The following PLCH1 variants were observed in gnomAD, a reference collection of about 807,000 sequenced individuals.
PLCH1 encodes 1-phosphatidylinositol 4,5-bisphosphate phosphodiesterase eta-1.
PLCH1 carries 60 observed loss-of-function variants against 126.7 expected under a neutral mutation model. That is an observed-to-expected ratio of 0.47 (90% CI 0.38 to 0.59). PLCH1 has a LOEUF of 0.59. Ranked by LOEUF, PLCH1 falls within the 20% of genes least tolerant of loss-of-function variation. The pLI, the probability that PLCH1 is intolerant of heterozygous loss-of-function variation, is 0.00. For synonymous variants in PLCH1, 719 were observed against 734.9 expected (o/e 0.98, Z 0.35); for missense variants, 1,723 against 2,040.0 (o/e 0.84, Z 2.99).
chr3:155,685,470 A>G (rs999186736), intron 2 of PLCH1, among the ~76,000 whole-genome samples: 3 of 152,230 alleles, frequency 2.0e-5, no homozygotes, highest in African/African-American at 7.2e-5. Context: ...CCTTAGGAGA[A>G]AAAGAGAAAG....
intron 2 of PLCH1, among the ~76,000 whole-genome samples, chr3:155,613,265 A>C (rs768851551): frequency 6.6e-6 from 1 of 152,230 alleles, no homozygotes; most frequent in African/African-American, 2.4e-5. Flanking sequence ...ATTCCAAAAG[A>C]TAGAGAAAGA....
intron 1 of PLCH1, among the ~76,000 whole-genome samples, chr3:155,717,886 A>G (rs538670399): frequency 6.6e-6 from 1 of 152,276 alleles, no homozygotes; most frequent in African/African-American, 2.4e-5. Flanking sequence ...TCCTCTCCCA[A>G]AAAAAGTGTT....
At chr3:155,609,110 A>G (rs1734737759) in intron 2 of PLCH1, among the ~76,000 whole-genome samples, 1 of 152,182 alleles carries the variant, frequency 6.6e-6, no homozygotes, top group Non-Finnish European at 1.5e-5. Flanking sequence ...GCACTAAACA[A>G]AACTACAAGC....
At chr3:155,561,633 C>T (rs1034496301) in intron 8 of PLCH1, among the ~76,000 whole-genome samples, 8 of 152,152 alleles carry the variant, frequency 5.3e-5, no homozygotes, top group Middle Eastern at 3.4e-3. Context: ...ATTTATAGTC[C>T]TTTGGGCATA....
intron 2 of PLCH1, among the ~76,000 whole-genome samples, chr3:155,688,334 T>C (rs1745110099): frequency 6.6e-6 from 1 of 152,254 alleles, no homozygotes; most frequent in African/African-American, 2.4e-5. Context: ...TTACAAGATT[T>C]ATCCCACAGA....
rs147441881 is a variant in PLCH1 at position 155,483,088 on chromosome 3, C to T, written c.2975-37G>A. ...AAACAATATTTTAGGTGACATCTATCACTTTATGTAGGACCTGCAAACACT... is the reference window on the plus strand; with the variant it reads ...AAACAATATTTTAGGTGACATCTATTACTTTATGTAGGACCTGCAAACACT... On this transcript the variant is annotated intron_variant, in intron 22 of 22. Transcript: ENST00000460012. 1.0e-3 allele frequency: 1,590 copies of T among 1,573,010 alleles called. 6 individuals are homozygous for T. Among genetic ancestry groups the T allele is most frequent in the Non-Finnish European group, 6.7e-4 (778 of 1,152,714 alleles).
intron 19 of PLCH1, among the ~76,000 whole-genome samples, chr3:155,489,877 T>A (rs1715906315): frequency 6.6e-6 from 1 of 152,172 alleles, no homozygotes; most frequent in South Asian, 2.1e-4. Context: ...AATGAAATAA[T>A]TATGAGCTGA....
At chr3:155,543,889 C>A (rs1043063433) in intron 10 of PLCH1, among the ~76,000 whole-genome samples, 2 of 151,822 alleles carry the variant, frequency 1.3e-5, no homozygotes, top group Non-Finnish European at 2.9e-5. Context: ...CTGAAGGAAG[C>A]GCTAAACATG....
intron 4 of PLCH1, among the ~76,000 whole-genome samples, chr3:155,590,112 G>C (rs188035142): frequency 2.0e-5 from 3 of 152,240 alleles, no homozygotes; most frequent in African/African-American, 7.2e-5. Context: ...AATAAGTTAC[G>C]CTCTAGACTG....
At chr3:155,486,837 T>G (rs1389768193) in intron 21 of PLCH1, 1 of 152,260 alleles carries the variant, frequency 6.6e-6, no homozygotes, top group Non-Finnish European at 1.5e-5. Context: ...GCTCAAGTTT[T>G]AAACAAATTC....
At chr3:155,539,058 G>A (rs1723850888) in intron 10 of PLCH1, among the ~76,000 whole-genome samples, 1 of 152,086 alleles carries the variant, frequency 6.6e-6, no homozygotes, top group Admixed American at 6.6e-5. Flanking sequence ...AATCCACCGT[G>A]ATCGAGTGGG....
At chr3:155,726,247 T>C (rs188822315) in intron 1 of PLCH1, among the ~76,000 whole-genome samples, 1 of 152,370 alleles carries the variant, frequency 6.6e-6, no homozygotes, top group East Asian at 1.9e-4. Flanking sequence ...CCTCAAGTGT[T>C]ACTCTTTTAG....
At chr3:155,706,555 G>T (rs916606339) in intron 1 of PLCH1, among the ~76,000 whole-genome samples, 1 of 151,672 alleles carries the variant, frequency 6.6e-6, no homozygotes, top group African/African-American at 2.4e-5. Context: ...AGGAGGCGGA[G>T]GTTGCAGTGA....
chr3:155,734,348 T>C (rs1198988579), intron 1 of PLCH1, among the ~76,000 whole-genome samples: 6 of 152,020 alleles, frequency 3.9e-5, no homozygotes, highest in Non-Finnish European at 8.8e-5. Flanking sequence ...TACTCCCAGC[T>C]ACTCAGGAGA....
downstream of PLCH1, among the ~76,000 whole-genome samples, chr3:155,475,745 C>T (rs970092755): frequency 2.0e-5 from 3 of 152,036 alleles, no homozygotes; most frequent in African/African-American, 7.2e-5. Flanking sequence ...TATATAAAAC[C>T]TACCAAGATT....
intron 2 of PLCH1, among the ~76,000 whole-genome samples, chr3:155,641,008 C>T (rs905893462): frequency 5.9e-5 from 9 of 151,916 alleles, no homozygotes; most frequent in African/African-American, 1.9e-4. Context: ...TTAAGGTTTG[C>T]GACTCACTAC....
At chr3:155,594,463 C>T (rs541805647) in intron 3 of PLCH1, among the ~76,000 whole-genome samples, 1 of 152,112 alleles carries the variant, frequency 6.6e-6, no homozygotes, top group African/African-American at 2.4e-5. Context: ...GTCCTAGCTA[C>T]TCAGGAGGCT....
At chr3:155,728,861 A>C (rs551871349) in intron 1 of PLCH1, among the ~76,000 whole-genome samples, 1 of 152,378 alleles carries the variant, frequency 6.6e-6, no homozygotes, top group Admixed American at 6.5e-5. Context: ...ATTAGATTTC[A>C]ACTCTCAGTG....
chr3:155,494,113 C>T, intron 17 of PLCH1, 28 bp downstream of exon 17: 1 of 1,518,590 alleles, frequency 6.6e-7, no homozygotes, highest in East Asian at 2.3e-5. Context: ...CACACACCTG[C>T]ATTTATGACT....
Sources: allele counts gnomAD v4.1 joint callset (sites outside exome capture counted in the v4.1 genomes callset), GRCh38; gene constraint gnomAD v4.1.1; transcripts MANE v1.5; gene names NCBI Gene and HGNC (gene_info 2026-07-23, HGNC 2026-07-21).